Variants in CENPU observed in about 807,000 individuals in gnomAD.
CENPU encodes centromere protein U.
A neutral mutation model predicts 56.7 loss-of-function variants in CENPU; 46 were observed. That is an observed-to-expected ratio of 0.81 (90% CI 0.64 to 1.04). CENPU has a LOEUF of 1.04. Among genes scored for constraint, CENPU ranks in the 50% least tolerant of loss-of-function variants. CENPU has a pLI of 0.00. For missense variants in CENPU, 510 were observed against 490.1 expected, an observed-to-expected ratio of 1.04 and a Z score of -0.38; for synonymous variants, 166 against 163.0, an observed-to-expected ratio of 1.02 and a Z score of -0.14.
At chr4:184,721,817 A>G (rs1479251923) in intron 4 of CENPU, among the ~76,000 whole-genome samples, 1 of 152,204 alleles carries the variant, frequency 6.6e-6, no homozygotes, top group Non-Finnish European at 1.5e-5. Context: ...TCAACACCCC[A>G]CTTTCAGCAC....
chr4:184,702,224 A>G, intron 9 of CENPU, 88 bp from the exon 10 acceptor site: 1 of 1,268,696 alleles, frequency 7.9e-7, no homozygotes, highest in Non-Finnish European at 1.1e-6. Context: ...GTTTAAAAAC[A>G]GTTATGTGGA....
chr4:184,731,883 C>CTGTGTGTGTGTG (rs59083873), intron 1 of CENPU, among the ~76,000 whole-genome samples: 14,013 of 146,626 alleles, frequency 0.096, 1,018 homozygotes, highest in East Asian at 0.42. Context: ...CTCATGTGCT[C>CTGTGTGTGTGTG]TGTGTGTGTG....
intron 8 of CENPU, among the ~76,000 whole-genome samples, chr4:184,707,137 A>G (rs1175055573): frequency 6.6e-6 from 1 of 151,220 alleles, no homozygotes. Context: ...AATGATAATG[A>G]TGAGTTGGCA....
chr4:184,705,186 T>C (rs896304664), intron 8 of CENPU, among the ~76,000 whole-genome samples: 6 of 152,092 alleles, frequency 3.9e-5, no homozygotes, highest in African/African-American at 2.4e-5. Flanking sequence ...ATTCCTTCAA[T>C]GGGTGAATGT....
chr4:184,708,298 A>C (rs1188968998), intron 8 of CENPU, among the ~76,000 whole-genome samples: 1 of 151,860 alleles, frequency 6.6e-6, no homozygotes, highest in African/African-American at 2.4e-5. Flanking sequence ...CAGATGGGAC[A>C]AATGGCAGAA....
intron 5 of CENPU, 86 bp downstream of exon 5, chr4:184,717,050 G>T: frequency 3.5e-6 from 3 of 850,474 alleles, no homozygotes; most frequent in South Asian, 1.7e-5. Context: ...AAGAGGAAAT[G>T]AAATATTTTA....
At chr4:184,730,019 G>A (rs1280806113) in intron 2 of CENPU, among the ~76,000 whole-genome samples, 6 of 152,194 alleles carry the variant, frequency 3.9e-5, no homozygotes, top group Non-Finnish European at 7.3e-5. Context: ...AGTGCTTGGG[G>A]GTGGAATGTG....
intron 11 of CENPU, chr4:184,699,480 G>T: frequency 1.0e-6 from 1 of 994,620 alleles, no homozygotes; most frequent in Non-Finnish European, 1.4e-6. Context: ...AAGCGTTTAG[G>T]AAAGTGCCCT....
chr4:184,706,900 T>TGAAACTGGGGTTGG (rs1561132097), intron 8 of CENPU, among the ~76,000 whole-genome samples: 1 of 145,406 alleles, frequency 6.9e-6, no homozygotes, highest in African/African-American at 2.8e-5. Flanking sequence ...CCTGTGTCCT[T>TGAAACTGGGGTTGG]ACTACCCACT....
At chr4:184,731,990 A>G (rs1761665698) in intron 1 of CENPU, among the ~76,000 whole-genome samples, 1 of 152,050 alleles carries the variant, frequency 6.6e-6, no homozygotes, top group Non-Finnish European at 1.5e-5. Flanking sequence ...TATTCATGGT[A>G]CAATTTCTAA....
chr4:184,699,815 C>G (rs952997354), intron 11 of CENPU, among the ~76,000 whole-genome samples: 4 of 152,122 alleles, frequency 2.6e-5, no homozygotes, highest in Non-Finnish European at 5.9e-5. Context: ...TATGCACCAC[C>G]ACACCCGGCT....
At chr4:184,702,975 G>C (rs4615214) in intron 8 of CENPU, among the ~76,000 whole-genome samples, 27,113 of 152,040 alleles carry the variant, frequency 0.18, 2,716 homozygotes, top group African/African-American at 0.26. Context: ...ACCCACAGTT[G>C]ATGGGCACTT....
rs770656500 is a variant in CENPU, at chr4:184,712,927, A to C, written c.688+17T>G. 1.3e-6 allele frequency: 2 copies of C among 1,520,984 alleles called. No homozygotes were observed. Among genetic ancestry groups the C allele is most frequent in the Non-Finnish European group, 1.8e-6 (2 of 1,112,252 alleles). The allele number at this position is 1,520,984 out of a possible 1,614,324, so 94.2% of individuals were successfully genotyped here. A position where few individuals can be genotyped will look rare whatever the true frequency, so the allele number is the denominator to read the frequency against. On this transcript the variant is annotated intron_variant, in intron 7 of 12. Coordinates refer to ENST00000281453, the MANE Select transcript of CENPU (RefSeq NM_024629.4). ...AATTCCTGAATGAGTGACAAAGTATAAAACATCATTCTCTACCTGAGCCTA... is the reference window on the plus strand; with the variant it reads ...AATTCCTGAATGAGTGACAAAGTATCAAACATCATTCTCTACCTGAGCCTA...
At chr4:184,723,978 GT>G (rs1382645576) in intron 4 of CENPU, among the ~76,000 whole-genome samples, 1 of 151,670 alleles carries the variant, frequency 6.6e-6, no homozygotes, top group Non-Finnish European at 1.5e-5. Flanking sequence ...TAAAACTGCA[GT>G]TTTGGCCGGG....
chr4:184,713,952 T>A (rs921044039), intron 6 of CENPU: 4 of 152,252 alleles, frequency 2.6e-5, no homozygotes, highest in Non-Finnish European at 5.9e-5. Flanking sequence ...ATGTGCCAGG[T>A]TGAGACCACA....
At chr4:184,696,884 T>A (rs1164556648) in intron 12 of CENPU, among the ~76,000 whole-genome samples, 1 of 21,950 alleles carries the variant, frequency 4.6e-5, no homozygotes, top group Non-Finnish European at 4.2e-4. Flanking sequence ...GTTCCTTAAC[T>A]TTTTTTTTTT....
chr4:184,726,608 G>A (rs1761459143), intron 3 of CENPU, among the ~76,000 whole-genome samples: 1 of 152,084 alleles, frequency 6.6e-6, no homozygotes, highest in South Asian at 2.1e-4. Flanking sequence ...ATATGATCCA[G>A]CAATTCCATT....
intron 3 of CENPU, among the ~76,000 whole-genome samples, chr4:184,728,627 G>A (rs1019707343): frequency 2.6e-5 from 4 of 152,186 alleles, no homozygotes; most frequent in Admixed American, 2.0e-4. Flanking sequence ...AGAGTGAAGT[G>A]AGAAATGTAT....
At chr4:184,714,640 C>A (rs909928228) in intron 6 of CENPU, among the ~76,000 whole-genome samples, 1 of 151,758 alleles carries the variant, frequency 6.6e-6, no homozygotes, top group Non-Finnish European at 1.5e-5. Context: ...CCAGGAGCAA[C>A]CACTGAAAAA....
Sources: gnomAD v4.1 joint callset for allele counts (sites outside exome capture counted in the v4.1 genomes callset) on GRCh38, gnomAD v4.1.1 for gene constraint, MANE v1.5 for transcripts, NCBI Gene and HGNC (gene_info 2026-07-23, HGNC 2026-07-21) for gene names.